RNF169: variants seen among roughly 807,000 people sequenced by gnomAD.
The protein encoded by RNF169 is E3 ubiquitin-protein ligase RNF169.
A neutral mutation model predicts 53.9 loss-of-function variants in RNF169; 24 were observed. The observed-to-expected ratio is 0.45, with a 90% CI of 0.32 to 0.63. The LOEUF is 0.63. Among genes scored for constraint, RNF169 ranks in the 20% least tolerant of loss-of-function variants. The probability of loss-of-function intolerance (pLI) is 0.04; values close to 1 mark genes in which losing one functional copy is unlikely to be tolerated. For missense variants in RNF169, 883 were observed against 906.2 expected (o/e 0.97, Z 0.33); for synonymous variants, 396 against 363.5 (o/e 1.09, Z -1.02).
intron 1 of RNF169, among the ~76,000 whole-genome samples, chr11:74,785,173 GAT>G (rs1282476407): frequency 1.2e-3 from 77 of 62,774 alleles, no homozygotes; most frequent in African/African-American, 0.011. Context: ...ATATATATAT[GAT>G]ATATATATAT....
intron 5 of RNF169, 83 bp from the exon 6 acceptor site, chr11:74,835,463 T>A (rs1014356294): frequency 1.9e-6 from 2 of 1,040,652 alleles, no homozygotes; most frequent in Non-Finnish European, 1.4e-6. Context: ...CCCTTCCCTG[T>A]GCCTCCACCA....
intron 1 of RNF169, among the ~76,000 whole-genome samples, chr11:74,782,101 T>A (rs1324827512): frequency 6.6e-6 from 1 of 152,212 alleles, no homozygotes; most frequent in East Asian, 1.9e-4. Context: ...TTGTACAAAT[T>A]TAAACTGAGT....
rs1012520089 is a variant in RNF169, at chr11:74,810,167, A to G, written c.577-17A>G. ...AGTTGCCTAAAACTACTGTGTTTGC[A>G]TAATTTATATTTTTAGCTGAGAGAA... On this transcript the variant is annotated splice_polypyrimidine_tract_variant and intron_variant, in intron 2 of 5. Transcript: ENST00000299563. The G allele has an allele frequency of 1.9e-5, 31 of 1,598,398 alleles. No homozygotes were observed. Among genetic ancestry groups the G allele is most frequent in the Non-Finnish European group, 2.6e-5 (30 of 1,174,930 alleles).
chr11:74,797,360 TG>T (rs1280891563), intron 2 of RNF169, among the ~76,000 whole-genome samples: 1 of 152,240 alleles, frequency 6.6e-6, no homozygotes, highest in Non-Finnish European at 1.5e-5. Context: ...AACTGAATGT[TG>T]AGCTGGCCTT....
chr11:74,838,538 CATT>C lies in RNF169; in HGVS notation c.*1809_*1811del, dbSNP rs2036291480. On this transcript the variant is annotated 3_prime_UTR_variant, in exon 6 of 6. Coordinates refer to ENST00000299563, the MANE Select transcript of RNF169 (RefSeq NM_001098638.2). ...GAGATGTCTTAAACATTGTGGTCAT[CATT>C]GAGATAGGTGGAATCTCTTTGGTGA... The C allele has an allele frequency of 6.6e-6, 1 of 152,336 alleles. No homozygotes were observed. The highest frequency in any genetic ancestry group is 1.5e-5 in the Non-Finnish European group (1 of 68,028). The allele number at this position is 152,336 out of a possible 1,614,324, so 9.4% of individuals were successfully genotyped here. A position where few individuals can be genotyped will look rare whatever the true frequency, so the allele number is the denominator to read the frequency against.
At chr11:74,819,192 T>TG in intron 4 of RNF169, among the ~76,000 whole-genome samples, 1 of 152,316 alleles carries the variant, frequency 6.6e-6, no homozygotes, top group Non-Finnish European at 1.5e-5. Flanking sequence ...ATATTGCTGC[T>TG]GCTGCTGCTG....
chr11:74,779,818 G>A (rs988934287), intron 1 of RNF169, among the ~76,000 whole-genome samples: 5 of 152,102 alleles, frequency 3.3e-5, no homozygotes, highest in African/African-American at 1.2e-4. Flanking sequence ...GGTTGTTCAA[G>A]GTTTAGTGGA....
rs2036293926 is a variant in RNF169, at chr11:74,838,687, C to T, written c.*1957C>T. On this transcript the variant is annotated 3_prime_UTR_variant, in exon 6 of 6. Coordinates refer to ENST00000299563, the MANE Select transcript of RNF169 (RefSeq NM_001098638.2). The stretch of plus-strand genomic sequence containing the variant: ...CAAACTCATGATTTTGTAGTCACAC[C>T]ACTTCAGTTCTGGGCCCTACCAACA... 1 of 152,172 alleles carries T rather than the reference C, an allele frequency of 6.6e-6. No individual in the cohort carries two copies. Among genetic ancestry groups the T allele is most frequent in the Admixed American group, 6.5e-5 (1 of 15,278 alleles). The allele number at this position is 152,172 out of a possible 1,614,324, so 9.4% of individuals were successfully genotyped here.
rs76315824 is a variant in RNF169, at chr11:74,820,563, T to C, written c.842+2849T>C. Among the ~76,000 whole-genome samples, 4 of 151,882 alleles carry C rather than the reference T, an allele frequency of 2.6e-5. No homozygotes were observed. The East Asian group carries it at 5.8e-4, about 22-fold the overall frequency. ...TGAGGGAGAGGAGATTATGAGAAGATGATGAAGCAGTGAGTTGAAACAGCA... is the reference window on the plus strand; with the variant it reads ...TGAGGGAGAGGAGATTATGAGAAGACGATGAAGCAGTGAGTTGAAACAGCA... On this transcript the variant is annotated intron_variant, in intron 4 of 5. Transcript: ENST00000299563.
chr11:74,835,889 G>A lies in RNF169; in HGVS notation c.1286G>A (p.Arg429Gln), dbSNP rs756724052. 40 of 1,613,994 alleles carry A rather than the reference G, an allele frequency of 2.5e-5. No individual in the cohort carries two copies. The highest frequency in any genetic ancestry group is 4.4e-5 in the South Asian group (4 of 91,080). Residue 429 changes from arginine (R) to glutamine (Q), a missense_variant, in exon 6 of 6, where the codon CGG (arginine) becomes CAG (glutamine). Physicochemically the swap from Arg to Gln is conservative, Grantham distance 43. Coordinates refer to ENST00000299563, the MANE Select transcript of RNF169 (RefSeq NM_001098638.2). The part of the protein sequence containing the change: ...QKQTSYEASP[R>Q]ILKKWEQIFQ... ...CAGACTTCTTATGAGGCCAGTCCAC[G>A]GATCCTCAAAAAGTGGGAACAGATC... is the stretch of plus-strand genomic sequence containing the variant.
chr11:74,813,512 G>A (rs1215967382), intron 3 of RNF169, among the ~76,000 whole-genome samples: 1 of 152,100 alleles, frequency 6.6e-6, no homozygotes, highest in Non-Finnish European at 1.5e-5. Flanking sequence ...AAAACAAAAA[G>A]GGAAAAATTA....
At chr11:74,832,735 T>G (rs911822743) in intron 4 of RNF169, among the ~76,000 whole-genome samples, 1 of 152,184 alleles carries the variant, frequency 6.6e-6, no homozygotes, top group Non-Finnish European at 1.5e-5. Context: ...ATTGATATAT[T>G]TGAAGTAACA....
At chr11:74,784,192 T>C (rs2035455701) in intron 1 of RNF169, among the ~76,000 whole-genome samples, 1 of 152,196 alleles carries the variant, frequency 6.6e-6, no homozygotes, top group Admixed American at 6.5e-5. Flanking sequence ...GAGAAACATA[T>C]TGAGTAGGAA....
At chr11:74,758,826 T>G (rs1203163586) in intron 1 of RNF169, among the ~76,000 whole-genome samples, 1 of 151,564 alleles carries the variant, frequency 6.6e-6, no homozygotes, top group Non-Finnish European at 1.5e-5. Flanking sequence ...TTTAAAGTAG[T>G]TTTTTCCAAT....
At chr11:74,805,712 C>G (rs1490018873) in intron 2 of RNF169, among the ~76,000 whole-genome samples, 1 of 152,058 alleles carries the variant, frequency 6.6e-6, no homozygotes, top group Non-Finnish European at 1.5e-5. Flanking sequence ...GAACCTGATA[C>G]TTCTTGTTTT....
Position 74,827,944 on chromosome 11 carries a change from A to G in RNF169, c.843-6732A>G, listed in dbSNP as rs146793445. ...GCACAAGACAAGGATGCCCTCTCTC[A>G]CCACTCCTATTCGCCATAGTATTGG... is the stretch of plus-strand genomic sequence containing the variant. On this transcript the variant is annotated intron_variant, in intron 4 of 5. Transcript: ENST00000299563. Among the ~76,000 whole-genome samples the G allele has an allele frequency of 1.2e-3, 187 of 152,336 alleles. 3 individuals are homozygous for G. In the East Asian group the frequency reaches 0.032, roughly 26 times the overall value.
rs1257011451 is a variant in RNF169 at position 74,842,095 on chromosome 11, C to T, written c.*5365C>T. On this transcript the variant is annotated 3_prime_UTR_variant, in exon 6 of 6. Coordinates refer to ENST00000299563, the MANE Select transcript of RNF169 (RefSeq NM_001098638.2). ...TCCTAAGGGCCTTTTCCCCTCCTGC[C>T]TAGAAAATAGGTTGTGTATTGGTTT... 6.6e-6 allele frequency: 1 copy of T among 152,090 alleles called. No homozygotes were observed. Among genetic ancestry groups the T allele is most frequent in the Non-Finnish European group, 1.5e-5 (1 of 68,018 alleles). The allele number at this position is 152,090 out of a possible 1,614,324, so 9.4% of individuals were successfully genotyped here.
intron 1 of RNF169, among the ~76,000 whole-genome samples, chr11:74,785,941 C>CTTTTTTT (rs796451609): frequency 1.5e-5 from 2 of 130,226 alleles, no homozygotes; most frequent in African/African-American, 2.9e-5. Context: ...GTTTTCTTTT[C>CTTTTTTT]TTTTTTTTTT....
Position 74,810,194 on chromosome 11 carries a change from A to C in RNF169, c.587A>C (p.Glu196Ala). 2 of 1,607,224 alleles carry C rather than the reference A, an allele frequency of 1.2e-6. No individual in the cohort carries two copies. The highest frequency in any genetic ancestry group is 1.7e-6 in the Non-Finnish European group (2 of 1,178,382). ...EYESLRKLREEKLQEEKPSED... is the reference protein window; with the variant it reads ...EYESLRKLREAKLQEEKPSED... The stretch of plus-strand genomic sequence containing the variant: ...AATTTATATTTTTAGCTGAGAGAAG[A>C]AAAGTTACAAGAGGAAAAACCCTCT... The change falls in exon 3 of 6, where the codon GAA becomes GCA. Residue 196 changes from glutamate (E) to alanine (A), a missense_variant. Around this residue, in one of 3 missense-constraint regions of RNF169, gnomAD observed 219 missense variants for 289.1 expected, o/e 0.76. Transcript: ENST00000299563.
Sources: gnomAD v4.1 joint callset for allele counts (sites outside exome capture counted in the v4.1 genomes callset) on GRCh38, gnomAD v4.1.1 for gene constraint, gnomAD v4.1.1 regional missense constraint, MANE v1.5 for transcripts, NCBI Gene and HGNC (gene_info 2026-07-23, HGNC 2026-07-21) for gene names.